SNED1: variants seen among roughly 807,000 people sequenced by gnomAD.
The protein encoded by SNED1 is sushi, nidogen and EGF like domains 1, also known as sushi, nidogen and EGF-like domain-containing protein 1.
In SNED1, 81 loss-of-function variants were observed where a neutral mutation model predicts 166.7. The ratio of observed to expected loss-of-function variants is 0.49; its 90% confidence interval spans 0.41 to 0.58. The LOEUF (loss-of-function observed/expected upper bound fraction) is 0.58. SNED1 is among the 20% of genes least tolerant of loss of function. SNED1 has a pLI of 0.00. For missense variants in SNED1, 1,604 were observed against 2,000.2 expected (o/e 0.80, Z 3.78); for synonymous variants, 762 against 822.0 (o/e 0.93, Z 1.25).
intron 1 of SNED1, among the ~76,000 whole-genome samples, chr2:241,007,705 G>A (rs4675833): frequency 0.8 from 122,266 of 152,214 alleles, 49,398 homozygotes; most frequent in East Asian, 0.93. Context: ...ATGGGTCTCT[G>A]TGTTGCCTAT....
chr2:241,023,869 CTT>C (rs1164375420), intron 1 of SNED1, among the ~76,000 whole-genome samples: 1 of 114,170 alleles, frequency 8.8e-6, no homozygotes, highest in African/African-American at 3.6e-5. Flanking sequence ...TATTTTCTCT[CTT>C]TTTTTCTTTT....
rs1344778786 is a variant in SNED1, at chr2:241,090,468, G to A, written c.*2-1170G>A. The A allele has an allele frequency of 8.5e-6, 13 of 1,525,506 alleles. No individual in the cohort carries two copies. The South Asian group carries it at 1.6e-4, about 18-fold the overall frequency. 94.5% of individuals were successfully genotyped at this position (1,525,506 alleles called of 1,614,324 possible). The stretch of plus-strand genomic sequence containing the variant: ...GTACACTCTAAAATAATGATGAAGA[G>A]TATAGTAAATACGTAAACCAGTAAC... On this transcript the variant is annotated intron_variant, in intron 31 of 31. Transcript: ENST00000310397.
chr2:241,067,965 G>C lies in SNED1; in HGVS notation c.3194+18G>C. On this transcript the variant is annotated intron_variant, in intron 22 of 31. Coordinates refer to ENST00000310397, the MANE Select transcript of SNED1 (RefSeq NM_001080437.3). ...ACCTTTAGGTAAGAAGGGACACCCA[G>C]AGCATGGGGCTGGGGTGAAGGCAGG... The C allele has an allele frequency of 6.3e-7, 1 of 1,598,304 alleles. No homozygotes were observed.
At position 241,052,033 on chromosome 2, in the gene SNED1, G is replaced by A. The variant is rs369352289; in HGVS notation, c.1853-8G>A. On this transcript the variant is annotated splice_region_variant and splice_polypyrimidine_tract_variant and intron_variant, in intron 13 of 31. Coordinates refer to ENST00000310397, the MANE Select transcript of SNED1 (RefSeq NM_001080437.3). ...GGGCTGTGACCCTGACCTGGCTTCT[G>A]TTTCCAGGGAAGCCAGACTCGTGTG... The A allele has an allele frequency of 2.5e-6, 4 of 1,611,966 alleles. No homozygotes were observed. In the African/African-American group the frequency reaches 5.3e-5, roughly 22 times the overall value.
rs561378295 is a variant in SNED1 at position 241,039,538 on chromosome 2, G to T, written c.1046-537G>T. On this transcript the variant is annotated intron_variant, in intron 6 of 31. Transcript: ENST00000310397. ...AGGAGGGCCAGCATCCGGTGAGGAG[G>T]GAGGGCAGAGGGTGGGCTCCCCTAG... is the stretch of plus-strand genomic sequence containing the variant. Among the ~76,000 whole-genome samples, 292 of 152,202 alleles carry T rather than the reference G, an allele frequency of 1.9e-3. 2 individuals carry two copies. Among genetic ancestry groups the T allele is most frequent in the Non-Finnish European group, 3.4e-3 (233 of 67,982 alleles).
chr2:241,088,236 G>A lies in SNED1; in HGVS notation c.4206-129G>A, dbSNP rs1427526730. 16 of 722,664 alleles carry A rather than the reference G, an allele frequency of 2.2e-5. No homozygotes were observed. The Admixed American group carries it at 3.3e-4, about 15-fold the overall frequency. The allele number at this position is 722,664 out of a possible 1,614,324, so 44.8% of individuals were successfully genotyped here. A position where few individuals can be genotyped will look rare whatever the true frequency, so the allele number is the denominator to read the frequency against. On this transcript the variant is annotated intron_variant, in intron 30 of 31. Transcript: ENST00000310397. ...CTCCACAGCGGTGTCTGGACTAATGGTGTCCCCCACCGTGGAATGTATGTG... is the reference window on the plus strand; with the variant it reads ...CTCCACAGCGGTGTCTGGACTAATGATGTCCCCCACCGTGGAATGTATGTG...
At chr2:241,024,535 C>T (rs920403693) in intron 1 of SNED1, among the ~76,000 whole-genome samples, 11 of 151,444 alleles carry the variant, frequency 7.3e-5, no homozygotes, top group South Asian at 2.1e-4. Flanking sequence ...TGTAAGCCAC[C>T]GCACCCAGCC....
rs2061732329 is a variant in SNED1, at chr2:241,048,559, G to C, written c.1400-103G>C. 2.0e-6 allele frequency: 3 copies of C among 1,495,384 alleles called. No homozygotes were observed. The South Asian group carries it at 3.7e-5, about 19-fold the overall frequency. The allele number at this position is 1,495,384 out of a possible 1,614,324, so 92.6% of individuals were successfully genotyped here. A position where few individuals can be genotyped will look rare whatever the true frequency, so the allele number is the denominator to read the frequency against. ...AGAAACGTGTGAGTGCGCGTCCACT[G>C]CAATTTGTATGGGAAGTTGGCCAGG... On this transcript the variant is annotated intron_variant, in intron 9 of 31. Transcript: ENST00000310397.
In SNED1 at chr2:241,061,975, G is replaced by A. The variant is rs1346328409; in HGVS notation, c.2258-816G>A. On this transcript the variant is annotated intron_variant, in intron 16 of 31. Coordinates refer to ENST00000310397, the MANE Select transcript of SNED1 (RefSeq NM_001080437.3). ...CCACACTGTGTAATGTTATTCAGCAGTGAAAATCTATGAACCACAGTGACC... is the reference window on the plus strand; with the variant it reads ...CCACACTGTGTAATGTTATTCAGCAATGAAAATCTATGAACCACAGTGACC... Among the ~76,000 whole-genome samples the A allele has an allele frequency of 3.3e-5, 5 of 152,300 alleles. No homozygotes were observed. In the South Asian group the frequency reaches 1.0e-3, roughly 32 times the overall value.
chr2:241,088,050 G>A (rs376030406), intron 30 of SNED1: 29 of 439,370 alleles, frequency 6.6e-5, no homozygotes, highest in African/African-American at 5.2e-4. Context: ...CGTGCTGCTC[G>A]GCCTGTGCAC....
chr2:241,065,189 G>A (rs1575034630), intron 20 of SNED1, 110 bp from the exon 21 acceptor site: 7 of 1,131,564 alleles, frequency 6.2e-6, no homozygotes, highest in Non-Finnish European at 8.8e-6. Context: ...TGCCAGCGAT[G>A]GCTGTGTCAG....
chr2:241,002,713 C>T (rs1018230536), intron 1 of SNED1, among the ~76,000 whole-genome samples: 41 of 152,066 alleles, frequency 2.7e-4, no homozygotes, highest in Admixed American at 2.1e-3. Context: ...ATGAGGAAAC[C>T]GAGGCTCAGA....
chr2:241,090,740 A>G (rs982390999), intron 31 of SNED1, among the ~76,000 whole-genome samples: 1 of 152,114 alleles, frequency 6.6e-6, no homozygotes, highest in Non-Finnish European at 1.5e-5. Context: ...GGTGGTGGGC[A>G]CCTGTAATCT....
rs1559274967 is a variant in SNED1, at chr2:241,056,579, A to ATTTTTTTTTT, written c.2257+3253_2257+3254insTTTTTTTTTT. 2.1e-4 allele frequency among the ~76,000 whole-genome samples: 18 copies of ATTTTTTTTTT among 87,732 alleles called. No homozygotes were observed. In the East Asian group the frequency reaches 4.8e-3, roughly 24 times the overall value. The allele number at this position is 87,732 out of a possible 152,430, so 57.6% of individuals were successfully genotyped here. A position where few individuals can be genotyped will look rare whatever the true frequency, so the allele number is the denominator to read the frequency against. ...TGAATTAGGAATTCTGAATAAGTGA[A>ATTTTTTTTTT]ATTTTTTTTTTTTTTTTTTGAGACG... On this transcript the variant is annotated intron_variant, in intron 16 of 31. Transcript: ENST00000310397.
chr2:241,057,380 A>ATATATATAT (rs2062081749), intron 16 of SNED1, among the ~76,000 whole-genome samples: 1 of 118,132 alleles, frequency 8.5e-6, no homozygotes, highest in African/African-American at 3.8e-5. Flanking sequence ...TCCATCTCAA[A>ATATATATAT]ATATATATAT....
Position 241,036,921 on chromosome 2 carries a change from T to C in SNED1, c.931+6T>C. 1.9e-6 allele frequency: 3 copies of C among 1,607,948 alleles called. No homozygotes were observed. The highest frequency in any genetic ancestry group is 2.5e-6 in the Non-Finnish European group (3 of 1,178,200). ...GGGGCGGAGGTGCCACCTGGGTGAG[T>C]GACTGGCCCAGGGCGGGACCACCCG... On this transcript the variant is annotated splice_donor_region_variant and intron_variant, in intron 5 of 31. Coordinates refer to ENST00000310397, the MANE Select transcript of SNED1 (RefSeq NM_001080437.3).
rs115769716 is a variant in SNED1 at position 241,037,016 on chromosome 2, T to C, written c.931+101T>C. On this transcript the variant is annotated intron_variant, in intron 5 of 31. Transcript: ENST00000310397. ...GGCCCTGGGCGCCCAGGGTCCCAGG[T>C]CAGGAGTCTCTGTCCCCAGGGTGTG... 3.0e-4 allele frequency: 411 copies of C among 1,391,672 alleles called. 1 individual carries two copies. The African/African-American group carries it at 5.2e-3, about 18-fold the overall frequency. The allele number at this position is 1,391,672 out of a possible 1,614,324, so 86.2% of individuals were successfully genotyped here.
chr2:241,065,710 A>T (rs1294390957), intron 21 of SNED1, 115 bp downstream of exon 21: 11 of 891,628 alleles, frequency 1.2e-5, no homozygotes, highest in Non-Finnish European at 1.9e-5. Flanking sequence ...TTCTTGCAGC[A>T]GCAAGACAGA....
rs547165910 is a variant in SNED1 at position 241,080,554 on chromosome 2, G to A, written c.3917-1123G>A. Reference sequence around the variant, plus strand: ...CAGGATGTGGACAAAATAAGCCCAGGACATGTTGTGTAAAAAGCAAGCAAG... The same window carrying A: ...CAGGATGTGGACAAAATAAGCCCAGAACATGTTGTGTAAAAAGCAAGCAAG... On this transcript the variant is annotated intron_variant, in intron 27 of 31. Transcript: ENST00000310397. Among the ~76,000 whole-genome samples, 8 of 152,268 alleles carry A rather than the reference G, an allele frequency of 5.3e-5. No individual in the cohort carries two copies. In the South Asian group the frequency reaches 1.7e-3, roughly 32 times the overall value.
Sources: allele counts gnomAD v4.1 joint callset (sites outside exome capture counted in the v4.1 genomes callset), GRCh38; gene constraint gnomAD v4.1.1; transcripts MANE v1.5; gene names NCBI Gene and HGNC (gene_info 2026-07-23, HGNC 2026-07-21).